Variants in MMP16 observed in about 807,000 individuals in gnomAD.
MMP16 encodes the protein matrix metalloproteinase-16.
Under a neutral mutation model 67.8 loss-of-function variants are expected in MMP16, and 12 were observed. The ratio of observed to expected loss-of-function variants is 0.18; its 90% CI spans 0.11 to 0.29. The LOEUF (loss-of-function observed/expected upper bound fraction) is 0.29, where lower values mean the gene tolerates loss of function less well. MMP16 is among the 10% of genes least tolerant of loss of function. MMP16 has a pLI of 1.00. For missense variants in MMP16, 475 were observed against 765.7 expected (o/e 0.62, Z 4.48); for synonymous variants, 249 against 255.9 (o/e 0.97, Z 0.26).
At chr8:88,091,475 C>T (rs1004112722) in intron 6 of MMP16, among the ~76,000 whole-genome samples, 3 of 151,648 alleles carry the variant, frequency 2.0e-5, no homozygotes, top group Non-Finnish European at 4.4e-5. Context: ...ACCATTATCT[C>T]CTAAGCCACA....
In MMP16 at chr8:88,038,921, T is replaced by C. The variant is rs1808092285; in HGVS notation, c.*2540A>G. 1 of 152,562 alleles carries C rather than the reference T, an allele frequency of 6.6e-6. No homozygotes were observed. Among genetic ancestry groups the C allele is most frequent in the African/African-American group, 2.4e-5 (1 of 41,440 alleles). 9.5% of individuals were successfully genotyped at this position (152,562 alleles called of 1,614,324 possible). On this transcript the variant is annotated 3_prime_UTR_variant, in exon 10 of 10. Coordinates refer to ENST00000286614, the MANE Select transcript of MMP16 (RefSeq NM_005941.5). The surrounding 1 kb of genome is among the most constrained non-coding windows in gnomAD (Gnocchi z 4.1). ...CATTCTTCTTTTCTTACTCTTCTTTTTTCTTAGGCTCATACTATATACGCT... is the reference window on the plus strand; with the variant it reads ...CATTCTTCTTTTCTTACTCTTCTTTCTTCTTAGGCTCATACTATATACGCT...
chr8:88,215,202 C>A (rs1809570937), intron 1 of MMP16, among the ~76,000 whole-genome samples: 1 of 151,806 alleles, frequency 6.6e-6, no homozygotes, highest in South Asian at 2.1e-4. Context: ...TGGTGGTGGG[C>A]ACCTGTAATC....
chr8:88,248,473 T>C (rs1255800810), intron 1 of MMP16, among the ~76,000 whole-genome samples: 2 of 151,948 alleles, frequency 1.3e-5, no homozygotes, highest in Non-Finnish European at 1.5e-5. Context: ...TAAAAAAAAG[T>C]TTAAGAGATG....
chr8:88,146,733 T>A (rs180746167), intron 4 of MMP16, among the ~76,000 whole-genome samples: 2 of 151,856 alleles, frequency 1.3e-5, no homozygotes, highest in Non-Finnish European at 2.9e-5. Context: ...AACATTCTGG[T>A]ATATATGTAC....
At chr8:88,216,885 G>T (rs767081940) in intron 1 of MMP16, among the ~76,000 whole-genome samples, 5 of 151,834 alleles carry the variant, frequency 3.3e-5, no homozygotes, top group Non-Finnish European at 5.9e-5. Context: ...AATTTTATTG[G>T]ATATATATTT....
intron 6 of MMP16, among the ~76,000 whole-genome samples, chr8:88,096,019 T>C (rs1221253352): frequency 2.0e-5 from 3 of 151,948 alleles, no homozygotes; most frequent in African/African-American, 7.2e-5. Flanking sequence ...AGTGACAATG[T>C]TGTCTGTTTA....
At chr8:88,277,066 C>G (rs1810660349) in intron 1 of MMP16, among the ~76,000 whole-genome samples, 1 of 152,012 alleles carries the variant, frequency 6.6e-6, no homozygotes, top group South Asian at 2.1e-4. Flanking sequence ...TAACACTATA[C>G]AGTTTAAAAG....
At chr8:88,203,232 T>A (rs1809372673) in intron 1 of MMP16, among the ~76,000 whole-genome samples, 1 of 150,716 alleles carries the variant, frequency 6.6e-6, no homozygotes. Flanking sequence ...GCCTCCCGAG[T>A]AGGTGGGACT....
chr8:88,265,860 C>T (rs941431958), intron 1 of MMP16, among the ~76,000 whole-genome samples: 2 of 151,288 alleles, frequency 1.3e-5, no homozygotes, highest in South Asian at 4.2e-4. Context: ...TAGGTGAAAG[C>T]AAATCTACAC....
intron 8 of MMP16, among the ~76,000 whole-genome samples, chr8:88,046,992 T>C (rs1257118735): frequency 6.6e-6 from 1 of 152,214 alleles, no homozygotes; most frequent in Non-Finnish European, 1.5e-5. Flanking sequence ...GCATTTATTC[T>C]GTTTCTTCTC....
At chr8:88,204,998 A>C (rs577321669) in intron 1 of MMP16, among the ~76,000 whole-genome samples, 91 of 152,236 alleles carry the variant, frequency 6.0e-4, no homozygotes, top group African/African-American at 1.9e-3. Flanking sequence ...CCTCCACAGA[A>C]TCTGTTCTTT....
intron 7 of MMP16, among the ~76,000 whole-genome samples, chr8:88,056,656 A>G (rs908130163): frequency 6.6e-6 from 1 of 152,144 alleles, no homozygotes; most frequent in East Asian, 1.9e-4. Flanking sequence ...TCATTCCTGT[A>G]TTTTGAGCAA....
chr8:88,281,558 C>G (rs1810736541), intron 1 of MMP16, among the ~76,000 whole-genome samples: 1 of 152,272 alleles, frequency 6.6e-6, no homozygotes, highest in Non-Finnish European at 1.5e-5. Flanking sequence ...GCCTAATGAC[C>G]CTCTGGCCAG....
chr8:88,284,542 C>T (rs1267047697), intron 1 of MMP16, among the ~76,000 whole-genome samples: 1 of 151,582 alleles, frequency 6.6e-6, no homozygotes, highest in Non-Finnish European at 1.5e-5. Flanking sequence ...TAATTCAGTG[C>T]TCTTTTCAAC....
chr8:88,186,192 C>T (rs1809069057), intron 3 of MMP16: 1 of 261,764 alleles, frequency 3.8e-6, no homozygotes, highest in East Asian at 7.3e-5. Context: ...TTTGTCAAAG[C>T]ATGTAATATG....
chr8:88,284,326 A>T (rs1810788791), intron 1 of MMP16, among the ~76,000 whole-genome samples: 1 of 152,192 alleles, frequency 6.6e-6, no homozygotes, highest in South Asian at 2.1e-4. Flanking sequence ...GGCTTTTGTT[A>T]TTAATGTGGT....
At chr8:88,076,136 A>T (rs1210434297) in intron 6 of MMP16, among the ~76,000 whole-genome samples, 31 of 152,020 alleles carry the variant, frequency 2.0e-4, no homozygotes, top group Admixed American at 2.0e-3. Context: ...TATTTTTTTT[A>T]AAAGGAGGAA....
chr8:88,058,356 GAATT>G lies in MMP16; in HGVS notation c.1223-2082_1223-2079del, dbSNP rs1304129654. 6.6e-6 allele frequency among the ~76,000 whole-genome samples: 1 copy of G among 152,090 alleles called. No homozygotes were observed. On this transcript the variant is annotated intron_variant, in intron 7 of 9. Coordinates refer to ENST00000286614, the MANE Select transcript of MMP16 (RefSeq NM_005941.5). The surrounding 1 kb of genome is among the most constrained non-coding windows in gnomAD (Gnocchi z 4.2). ...ATGACCCATCAAGAGTCTTTGGCAA[GAATT>G]AATTGAATCATTCACTCAATAATTA...
At chr8:88,236,177 G>C (rs7825130) in intron 1 of MMP16, among the ~76,000 whole-genome samples, 37,802 of 151,994 alleles carry the variant, frequency 0.25, 6,324 homozygotes, top group East Asian at 0.52. Context: ...AAGGAGAGGA[G>C]ACAGAACAGC....
Sources: gnomAD v4.1 joint callset for allele counts (sites outside exome capture counted in the v4.1 genomes callset) on GRCh38, gnomAD v4.1.1 for gene constraint, Gnocchi (gnomAD v3.1) non-coding constraint, MANE v1.5 for transcripts, NCBI Gene and HGNC (gene_info 2026-07-23, HGNC 2026-07-21) for gene names.